The following SCN11A variants were observed in gnomAD, a reference collection of about 807,000 sequenced individuals.
SCN11A encodes the protein sodium channel protein type 11 subunit alpha.
Under a neutral mutation model 162.2 loss-of-function variants are expected in SCN11A, and 122 were observed. The observed-to-expected ratio is 0.75, with a 90% CI of 0.65 to 0.87. SCN11A has a LOEUF of 0.87. SCN11A is among the 40% of genes least tolerant of loss of function. The probability of loss-of-function intolerance (pLI) is 0.00; values close to 1 mark genes in which losing one functional copy is unlikely to be tolerated. For synonymous variants in SCN11A, 758 were observed against 751.5 expected (o/e 1.01, Z -0.14); for missense variants, 2,015 against 2,181.6 (o/e 0.92, Z 1.52).
At chr3:38,915,192 C>T (rs1396969511) in intron 11 of SCN11A, among the ~76,000 whole-genome samples, 1 of 151,996 alleles carries the variant, frequency 6.6e-6, no homozygotes, top group Admixed American at 6.6e-5. Context: ...CTTCCCAGTT[C>T]AGTCTTGGCA....
chr3:38,875,255 C>A (rs1217930980), intron 23 of SCN11A, among the ~76,000 whole-genome samples: 1 of 152,078 alleles, frequency 6.6e-6, no homozygotes, highest in Non-Finnish European at 1.5e-5. Context: ...AGATTATTTT[C>A]TTATTTGATT....
intron 1 of SCN11A, among the ~76,000 whole-genome samples, chr3:39,040,853 C>T (rs71323693): frequency 0.14 from 21,469 of 151,670 alleles, 1,755 homozygotes; most frequent in African/African-American, 0.22. Context: ...CCGAGGTGGG[C>T]GGATCATGAG....
At chr3:38,929,132 C>CG (rs1491097953) in intron 7 of SCN11A, among the ~76,000 whole-genome samples, 1 of 38,166 alleles carries the variant, frequency 2.6e-5, no homozygotes, top group Non-Finnish European at 6.6e-5. Flanking sequence ...TGGGTCTGTG[C>CG]ACGCACACAC....
At chr3:38,861,042 G>A (rs2064955313) in intron 28 of SCN11A, among the ~76,000 whole-genome samples, 1 of 152,068 alleles carries the variant, frequency 6.6e-6, no homozygotes, top group Non-Finnish European at 1.5e-5. Context: ...ATTCAGTAAA[G>A]TTTCAGGATA....
rs528178703 is a variant in SCN11A at position 39,043,707 on chromosome 3, T to G, written c.-404+8154A>C. Among the ~76,000 whole-genome samples, 3 of 151,676 alleles carry G rather than the reference T, an allele frequency of 2.0e-5. No individual in the cohort carries two copies. The East Asian group carries it at 5.8e-4, about 29-fold the overall frequency. On this transcript the variant is annotated intron_variant, in intron 1 of 29. Transcript: ENST00000302328. The stretch of plus-strand genomic sequence containing the variant: ...TAGTTGGGGGTGGGTGGTGGGGAGG[T>G]GGAGATGGCTGATGAGTACAAAAAA...
At chr3:38,885,763 C>T (rs1161562051) in intron 20 of SCN11A, among the ~76,000 whole-genome samples, 1 of 152,198 alleles carries the variant, frequency 6.6e-6, no homozygotes, top group Admixed American at 6.5e-5. Context: ...ACTGTCTCAC[C>T]TCCTGGAATA....
intron 15 of SCN11A, 109 bp downstream of exon 15, chr3:38,905,083 G>C: frequency 7.2e-7 from 1 of 1,392,944 alleles, no homozygotes; most frequent in South Asian, 1.2e-5. Context: ...ACAGTGGGTT[G>C]GTTCCAAAAC....
chr3:38,893,138 T>C (rs2065528239), intron 19 of SCN11A, among the ~76,000 whole-genome samples: 1 of 152,204 alleles, frequency 6.6e-6, no homozygotes, highest in African/African-American at 2.4e-5. Context: ...GGTTCAAAGA[T>C]ATAAATAGAT....
At position 38,903,940 on chromosome 3, in the gene SCN11A, G is replaced by A. The variant is rs1236127224; in HGVS notation, c.1767C>T (p.Ile589=). ...GCTCCATGGCCAAGAAGACAGTGTT[G>A]ATGATGATGCAGATGGTGATGGCCA... ...TELAITICII[I]NTVFLAMEHH... The change falls in exon 16 of 30, where the codon ATC becomes ATT. Residue 589 remains isoleucine (I), a synonymous_variant. Coordinates refer to ENST00000302328, the MANE Select transcript of SCN11A (RefSeq NM_001349253.2). 6.2e-7 allele frequency: 1 copy of A among 1,614,102 alleles called. No individual in the cohort carries two copies. Among genetic ancestry groups the A allele is most frequent in the East Asian group, 2.2e-5 (1 of 44,876 alleles).
intron 2 of SCN11A, among the ~76,000 whole-genome samples, chr3:38,989,761 A>AT (rs925306253): frequency 6.6e-6 from 1 of 152,112 alleles, no homozygotes; most frequent in African/African-American, 2.4e-5. Flanking sequence ...CTGGTAGGTG[A>AT]TTTTAGGAGA....
intron 26 of SCN11A, among the ~76,000 whole-genome samples, chr3:38,868,660 C>T (rs1575224026): frequency 2.6e-5 from 4 of 152,254 alleles, no homozygotes; most frequent in Middle Eastern, 3.4e-3. Flanking sequence ...AAAATCAGAG[C>T]TGCAAGATGT....
At chr3:38,900,661 A>C (rs113765028) in intron 16 of SCN11A, among the ~76,000 whole-genome samples, 1,810 of 152,078 alleles carry the variant, frequency 0.012, 38 homozygotes, top group African/African-American at 0.041. Context: ...GAGCAACTCA[A>C]TATATGGGAT....
At chr3:38,960,499 T>C (rs1025977154) in intron 2 of SCN11A, among the ~76,000 whole-genome samples, 76 bp from the exon 3 acceptor site, 3 of 152,236 alleles carry the variant, frequency 2.0e-5, no homozygotes, top group Non-Finnish European at 2.9e-5. Context: ...GGAAACCCTG[T>C]AACCGGAGAA....
At chr3:38,882,147 T>C (rs775888882) in intron 22 of SCN11A, among the ~76,000 whole-genome samples, 1 of 152,212 alleles carries the variant, frequency 6.6e-6, no homozygotes, top group Non-Finnish European at 1.5e-5. Context: ...GCTTTTCTAT[T>C]TGAAGAATAA....
chr3:38,900,366 GTAT>G (rs2065679807), intron 16 of SCN11A, among the ~76,000 whole-genome samples: 1 of 152,060 alleles, frequency 6.6e-6, no homozygotes, highest in East Asian at 1.9e-4. Context: ...AAGCAAAATG[GTAT>G]TACTGGTAGA....
At chr3:38,934,387 A>C (rs2066294869) in intron 7 of SCN11A, among the ~76,000 whole-genome samples, 1 of 151,798 alleles carries the variant, frequency 6.6e-6, no homozygotes, top group African/African-American at 2.4e-5. Flanking sequence ...TTAACTTTAA[A>C]TGTAAATGGA....
At chr3:39,040,973 T>C (rs992734912) in intron 1 of SCN11A, among the ~76,000 whole-genome samples, 8 of 151,916 alleles carry the variant, frequency 5.3e-5, no homozygotes, top group African/African-American at 1.9e-4. Flanking sequence ...TCCCAGCTAC[T>C]CGGGAGGCTG....
In SCN11A at chr3:38,953,629, C is replaced by T. The variant is rs186763322; in HGVS notation, c.-8G>A. Among the ~76,000 whole-genome samples the T allele has an allele frequency of 2.6e-5, 4 of 151,950 alleles. No homozygotes were observed. Among genetic ancestry groups the T allele is most frequent in the East Asian group, 1.9e-4 (1 of 5,180 alleles). On this transcript the variant is annotated splice_region_variant and 5_prime_UTR_variant, in exon 4 of 30. Transcript: ENST00000302328. ...GAGAGACTTGAGGGATGGTCCTTAC[C>T]GAGATTCCTGGCTTGAGCAGATGAG...
At position 38,889,579 on chromosome 3, in the gene SCN11A, C is replaced by A. The variant is rs536664500; in HGVS notation, c.2836-3341G>T. 1.5e-3 allele frequency among the ~76,000 whole-genome samples: 234 copies of A among 152,052 alleles called. 1 individual carries two copies. The highest frequency in any genetic ancestry group is 5.6e-3 in the African/African-American group (231 of 41,470). The stretch of plus-strand genomic sequence containing the variant: ...CTTTGGGAGGCCGAGGAGAGCAGAT[C>A]ACGAGGTCAGGAGATCGAGACCATC... On this transcript the variant is annotated intron_variant, in intron 19 of 29. Transcript: ENST00000302328.
Sources: allele counts gnomAD v4.1 joint callset (sites outside exome capture counted in the v4.1 genomes callset), GRCh38; gene constraint gnomAD v4.1.1; transcripts MANE v1.5; gene names NCBI Gene and HGNC (gene_info 2026-07-23, HGNC 2026-07-21).